ARHGEF4: variants seen among roughly 807,000 people sequenced by gnomAD.
The protein encoded by ARHGEF4 is Rho guanine nucleotide exchange factor 4, also known as APC-stimulated guanine nucleotide exchange factor 1.
A neutral mutation model predicts 162.0 loss-of-function variants in ARHGEF4; 119 were observed. That is an observed-to-expected ratio of 0.73 (90% CI 0.63 to 0.86). The LOEUF is 0.86. Ranked by LOEUF, ARHGEF4 falls within the 40% of genes least tolerant of loss-of-function variation. The pLI is 0.00. For synonymous variants in ARHGEF4, 1,014 were observed against 979.9 expected (o/e 1.03, Z -0.65); for missense variants, 2,488 against 2,456.0 (o/e 1.01, Z -0.28).
At chr2:130,906,213 G>A (rs986737428) in intron 1 of ARHGEF4, among the ~76,000 whole-genome samples, 2 of 152,178 alleles carry the variant, frequency 1.3e-5, no homozygotes, top group Admixed American at 1.3e-4. Context: ...AGAAGAACCT[G>A]GCTTCTTGTA....
rs185075930 is a variant in ARHGEF4 at position 130,942,750 on chromosome 2, C to T, written c.3859-3759C>T. Among the ~76,000 whole-genome samples the T allele has an allele frequency of 2.3e-3, 345 of 152,218 alleles. 2 individuals carry two copies. Among genetic ancestry groups the T allele is most frequent in the African/African-American group, 7.8e-3 (326 of 41,544 alleles). On this transcript the variant is annotated intron_variant, in intron 3 of 13. Coordinates refer to ENST00000409359, the MANE Select transcript of ARHGEF4 (RefSeq NM_001367493.1). The stretch of plus-strand genomic sequence containing the variant: ...GTTTTTAAGAAAAATAATAGAATTA[C>T]CTTTCTATTACTGATTTATAGTTTA...
At chr2:130,960,743 G>A (rs1416673618) in intron 4 of ARHGEF4, among the ~76,000 whole-genome samples, 1 of 152,102 alleles carries the variant, frequency 6.6e-6, no homozygotes, top group Non-Finnish European at 1.5e-5. Context: ...AAGTCTCCCT[G>A]CACCAGTCTT....
chr2:130,898,663 G>A (rs1385887832), intron 1 of ARHGEF4, among the ~76,000 whole-genome samples: 1 of 152,184 alleles, frequency 6.6e-6, no homozygotes, highest in Admixed American at 6.5e-5. Flanking sequence ...AGGGTCCTCT[G>A]AGCAGCCAGG....
At chr2:130,879,780 AT>A (rs200318968) in intron 1 of ARHGEF4, among the ~76,000 whole-genome samples, 1 of 150,906 alleles carries the variant, frequency 6.6e-6, no homozygotes, top group African/African-American at 2.5e-5. Context: ...TTATTTTTTT[AT>A]TTTTTTTATT....
chr2:130,984,887 T>G (rs909248443), intron 4 of ARHGEF4, among the ~76,000 whole-genome samples: 1 of 151,944 alleles, frequency 6.6e-6, no homozygotes, highest in Non-Finnish European at 1.5e-5. Context: ...CCTTAGGAAT[T>G]TCCCAAATTG....
Position 131,045,681 on chromosome 2 carries a change from T to C in ARHGEF4, c.5479+235T>C. The stretch of plus-strand genomic sequence containing the variant: ...CCTTGGCTCCCCCAGATCAGGGCCA[T>C]TGGTGACAATGCTTGTTTCCCCAGG... On this transcript the variant is annotated intron_variant, in intron 13 of 13. Transcript: ENST00000409359. 1.2e-5 allele frequency: 18 copies of C among 1,476,358 alleles called. 1 individual carries two copies. Among genetic ancestry groups the C allele is most frequent in the Middle Eastern group, 1.8e-4 (1 of 5,526 alleles). The allele number at this position is 1,476,358 out of a possible 1,614,324, so 91.5% of individuals were successfully genotyped here. A position where few individuals can be genotyped will look rare whatever the true frequency, so the allele number is the denominator to read the frequency against.
At chr2:130,886,839 ATTT>A (rs910237634) in intron 1 of ARHGEF4, among the ~76,000 whole-genome samples, 10 of 147,746 alleles carry the variant, frequency 6.8e-5, no homozygotes, top group Admixed American at 6.1e-4. Flanking sequence ...ACTTTTGGTA[ATTT>A]TTTTTTTTGT....
chr2:130,979,196 A>G (rs1685948058), intron 4 of ARHGEF4, among the ~76,000 whole-genome samples: 3 of 152,228 alleles, frequency 2.0e-5, no homozygotes, highest in Admixed American at 1.3e-4. Flanking sequence ...GACAATCATA[A>G]CTATTACTGA....
chr2:130,892,923 T>C (rs921516965), intron 1 of ARHGEF4, among the ~76,000 whole-genome samples: 1 of 152,180 alleles, frequency 6.6e-6, no homozygotes, highest in Non-Finnish European at 1.5e-5. Context: ...AATGTCTGTT[T>C]CCACACTCCC....
chr2:130,884,472 T>G (rs1055973056), intron 1 of ARHGEF4, among the ~76,000 whole-genome samples: 1 of 152,090 alleles, frequency 6.6e-6, no homozygotes, highest in African/African-American at 2.4e-5. Context: ...ATGAAGATGA[T>G]TATAATGCCT....
intron 10 of ARHGEF4, 85 bp downstream of exon 10, chr2:131,042,029 G>C: frequency 6.6e-7 from 1 of 1,510,126 alleles, no homozygotes; most frequent in Non-Finnish European, 8.9e-7. Flanking sequence ...ATCTAGAAGG[G>C]AGCTGAAGCA....
At chr2:130,844,363 G>A (rs1403599952) in intron 1 of ARHGEF4, among the ~76,000 whole-genome samples, 3 of 152,188 alleles carry the variant, frequency 2.0e-5, no homozygotes, top group Non-Finnish European at 4.4e-5. Flanking sequence ...TTGCCCTGTT[G>A]TAAAGGAGGC....
chr2:130,839,492 A>G (rs1034764567), intron 1 of ARHGEF4, among the ~76,000 whole-genome samples: 1 of 152,166 alleles, frequency 6.6e-6, no homozygotes, highest in African/African-American at 2.4e-5. Flanking sequence ...CACTTGGTAC[A>G]GACTCTGTAC....
intron 12 of ARHGEF4, 87 bp downstream of exon 12, chr2:131,044,629 C>T (rs766252528): frequency 3.3e-4 from 486 of 1,478,348 alleles, no homozygotes; most frequent in African/African-American, 1.1e-3. Context: ...AGGAGAGCGC[C>T]GCTCAGCCCT....
intron 3 of ARHGEF4, among the ~76,000 whole-genome samples, chr2:130,944,448 T>A (rs560617904): frequency 6.6e-6 from 1 of 151,926 alleles, no homozygotes; most frequent in South Asian, 2.1e-4. Context: ...TCTATTGGGA[T>A]TTTTTCCCCC....
intron 3 of ARHGEF4, among the ~76,000 whole-genome samples, chr2:130,942,918 T>C (rs1683397854): frequency 6.6e-6 from 1 of 152,190 alleles, no homozygotes; most frequent in Non-Finnish European, 1.5e-5. Context: ...GGTATTCTGC[T>C]ATTGTTGGAT....
chr2:131,005,756 G>A lies in ARHGEF4; in HGVS notation c.3986-22189G>A, dbSNP rs538348204. Among the ~76,000 whole-genome samples, 22 of 152,236 alleles carry A rather than the reference G, an allele frequency of 1.4e-4. No individual in the cohort carries two copies. In the East Asian group the frequency reaches 4.3e-3, roughly 29 times the overall value. On this transcript the variant is annotated intron_variant, in intron 4 of 13. Transcript: ENST00000409359. ...TGGGCACTGGGGGGAGATGCGCCGT[G>A]GACCACAGGGACCCGTGGTGCTGGG...
intron 4 of ARHGEF4, among the ~76,000 whole-genome samples, chr2:131,016,395 GC>G (rs1688778429): frequency 6.6e-6 from 1 of 152,210 alleles, no homozygotes; most frequent in African/African-American, 2.4e-5. Context: ...GTGAACCAAT[GC>G]GCAGACGTGA....
intron 4 of ARHGEF4, among the ~76,000 whole-genome samples, chr2:131,013,374 A>G (rs1688592041): frequency 6.6e-6 from 1 of 152,190 alleles, no homozygotes; most frequent in African/African-American, 2.4e-5. Flanking sequence ...TGTGCACTGG[A>G]TATCGAGACC....
Sources: gnomAD v4.1 joint callset for allele counts (sites outside exome capture counted in the v4.1 genomes callset) on GRCh38, gnomAD v4.1.1 for gene constraint, MANE v1.5 for transcripts, NCBI Gene and HGNC (gene_info 2026-07-23, HGNC 2026-07-21) for gene names.